The following BRINP3 variants were observed in gnomAD, a reference collection of about 807,000 sequenced individuals.
BRINP3 encodes the protein BMP/retinoic acid-inducible neural-specific protein 3.
BRINP3 carries 19 observed loss-of-function variants against 71.0 expected under a neutral mutation model. The observed-to-expected ratio is 0.27, with a 90% confidence interval of 0.19 to 0.39. BRINP3 has a LOEUF of 0.39. BRINP3 is among the 10% of genes least tolerant of loss of function. BRINP3 has a pLI of 1.00. For missense variants in BRINP3, 959 were observed against 940.8 expected (o/e 1.02, Z -0.25); for synonymous variants, 380 against 337.7 (o/e 1.13, Z -1.37).
At chr1:190,390,903 T>C (rs946670272) in intron 2 of BRINP3, among the ~76,000 whole-genome samples, 1 of 151,854 alleles carries the variant, frequency 6.6e-6, no homozygotes, top group African/African-American at 2.4e-5. Context: ...TATGAGTGAC[T>C]TGGGAGTCCC....
intron 4 of BRINP3, among the ~76,000 whole-genome samples, chr1:190,261,286 A>G (rs1246917882): frequency 1.3e-5 from 2 of 152,056 alleles, no homozygotes; most frequent in African/African-American, 4.8e-5. Flanking sequence ...CTCGGTAGAA[A>G]ATAATGACCA....
At chr1:190,332,494 A>G (rs1328941107) in intron 2 of BRINP3, among the ~76,000 whole-genome samples, 1 of 151,980 alleles carries the variant, frequency 6.6e-6, no homozygotes, top group East Asian at 1.9e-4. Flanking sequence ...CACCTTTTCC[A>G]GGGTCTTCTC....
chr1:190,352,618 AT>A (rs1668462621), intron 2 of BRINP3, among the ~76,000 whole-genome samples: 1 of 151,970 alleles, frequency 6.6e-6, no homozygotes, highest in Non-Finnish European at 1.5e-5. Flanking sequence ...TGCAGAATGT[AT>A]TTTTCAATGC....
At chr1:190,242,820 A>G (rs1472239896) in intron 4 of BRINP3, among the ~76,000 whole-genome samples, 1 of 152,124 alleles carries the variant, frequency 6.6e-6, no homozygotes, top group Admixed American at 6.6e-5. Context: ...AGAGCAAAAT[A>G]TATTTATTTG....
At chr1:190,467,553 A>G (rs1476576253) in intron 1 of BRINP3, among the ~76,000 whole-genome samples, 5 of 151,500 alleles carry the variant, frequency 3.3e-5, no homozygotes, top group African/African-American at 1.2e-4. Flanking sequence ...CCCAGTTGAC[A>G]GAGAGGCTTG....
At chr1:190,338,026 T>C (rs1173449414) in intron 2 of BRINP3, among the ~76,000 whole-genome samples, 1 of 152,096 alleles carries the variant, frequency 6.6e-6, no homozygotes, top group African/African-American at 2.4e-5. Flanking sequence ...ACTTGAAGTG[T>C]AGTTATTCCA....
At chr1:190,392,183 C>T (rs1265665493) in intron 2 of BRINP3, among the ~76,000 whole-genome samples, 1 of 151,528 alleles carries the variant, frequency 6.6e-6, no homozygotes. Context: ...TCTCAATGCT[C>T]CATATCATAA....
At chr1:190,227,590 G>A (rs554781085) in intron 5 of BRINP3, among the ~76,000 whole-genome samples, 2 of 151,542 alleles carry the variant, frequency 1.3e-5, no homozygotes, top group South Asian at 4.2e-4. Flanking sequence ...TAATTAATTG[G>A]CTAAACAATT....
intron 6 of BRINP3, among the ~76,000 whole-genome samples, chr1:190,219,534 G>A (rs76096990): frequency 0.14 from 21,473 of 151,938 alleles, 2,009 homozygotes; most frequent in South Asian, 0.26. Flanking sequence ...CTAAAAGACT[G>A]GCTATTTGAA....
At chr1:190,281,128 T>C (rs1364474772) in intron 3 of BRINP3, among the ~76,000 whole-genome samples, 5 of 151,964 alleles carry the variant, frequency 3.3e-5, no homozygotes, top group Non-Finnish European at 7.4e-5. Flanking sequence ...AGCTACAATC[T>C]GTATCAACTA....
chr1:190,402,758 G>A (rs1373867657), intron 2 of BRINP3, among the ~76,000 whole-genome samples: 1 of 151,934 alleles, frequency 6.6e-6, no homozygotes, highest in Non-Finnish European at 1.5e-5. Flanking sequence ...TTTGAGACAG[G>A]TCTCATTCTG....
At chr1:190,129,518 G>A (rs1003155724) in intron 7 of BRINP3, among the ~76,000 whole-genome samples, 3 of 151,900 alleles carry the variant, frequency 2.0e-5, no homozygotes, top group African/African-American at 7.2e-5. Context: ...AATACCATTA[G>A]AAAAGAACAG....
chr1:190,131,438 A>G (rs1441121779), intron 7 of BRINP3, among the ~76,000 whole-genome samples: 1 of 152,002 alleles, frequency 6.6e-6, no homozygotes, highest in African/African-American at 2.4e-5. Flanking sequence ...TATCTCTGTC[A>G]ATGTAGATTC....
At chr1:190,103,126 C>T (rs1324614975) in intron 7 of BRINP3, among the ~76,000 whole-genome samples, 1 of 152,024 alleles carries the variant, frequency 6.6e-6, no homozygotes, top group East Asian at 1.9e-4. Flanking sequence ...CCATACTTTA[C>T]CCTGTGCCCT....
rs3077327 is a variant in BRINP3, at chr1:190,396,713, GATATAT to G, written c.236+57936_236+57941del. 3.2e-4 allele frequency among the ~76,000 whole-genome samples: 32 copies of G among 101,008 alleles called. 1 individual carries two copies. Among genetic ancestry groups the G allele is most frequent in the Middle Eastern group, 5.3e-3 (1 of 188 alleles). The allele number at this position is 101,008 out of a possible 152,430, so 66.3% of individuals were successfully genotyped here. A position where few individuals can be genotyped will look rare whatever the true frequency, so the allele number is the denominator to read the frequency against. Reference sequence around the variant, plus strand: ...ACGCACTATGCATTCCTAATTTAATGATATATATATATATATATATATATATGTAAC... The same window carrying G: ...ACGCACTATGCATTCCTAATTTAATGATATATATATATATATATATGTAAC... On this transcript the variant is annotated intron_variant, in intron 2 of 7. Transcript: ENST00000367462.
At chr1:190,398,060 G>A (rs1452703964) in intron 2 of BRINP3, among the ~76,000 whole-genome samples, 2 of 151,934 alleles carry the variant, frequency 1.3e-5, no homozygotes, top group Admixed American at 6.6e-5. Context: ...GCCACAAGCT[G>A]CAGCTTTAAA....
chr1:190,139,117 TA>T (rs1473216464), intron 7 of BRINP3, among the ~76,000 whole-genome samples: 3 of 150,946 alleles, frequency 2.0e-5, no homozygotes, highest in Non-Finnish European at 4.4e-5. Context: ...TTAGGTAAAA[TA>T]GATGGGTCAC....
chr1:190,154,177 T>C (rs1048309095), intron 7 of BRINP3: 57 of 462,456 alleles, frequency 1.2e-4, no homozygotes, highest in Non-Finnish European at 1.6e-4. Flanking sequence ...AGGAGTTTCA[T>C]GCATTCCTCC....
intron 7 of BRINP3, among the ~76,000 whole-genome samples, chr1:190,120,661 AT>A (rs35320516): frequency 0.2 from 28,355 of 141,488 alleles, 5,149 homozygotes; most frequent in African/African-American, 0.48. Flanking sequence ...CGCCCGGCTA[AT>A]TTTTTTTTTT....
Sources: allele counts gnomAD v4.1 joint callset (sites outside exome capture counted in the v4.1 genomes callset), GRCh38; gene constraint gnomAD v4.1.1; transcripts MANE v1.5; gene names NCBI Gene and HGNC (gene_info 2026-07-23, HGNC 2026-07-21).